The following GDPD4 variants were observed in gnomAD, a reference collection of about 807,000 sequenced individuals.
GDPD4 encodes glycerophosphodiester phosphodiesterase domain containing 4.
In GDPD4, 60 loss-of-function variants were observed where a neutral mutation model predicts 67.8. That is an observed-to-expected ratio of 0.88 (90% CI 0.72 to 1.10). GDPD4 has a LOEUF of 1.10. Among genes scored for constraint, GDPD4 ranks in the 50% least tolerant of loss-of-function variants. The probability of loss-of-function intolerance (pLI) is 0.00; values close to 1 mark genes in which losing one functional copy is unlikely to be tolerated. For missense variants in GDPD4, 623 were observed against 613.9 expected, an observed-to-expected ratio of 1.01 and a Z score of -0.16; for synonymous variants, 212 against 210.9, an observed-to-expected ratio of 1.00 and a Z score of -0.04.
At chr11:77,267,364 T>C (rs1388779400) in intron 10 of GDPD4, among the ~76,000 whole-genome samples, 1 of 152,206 alleles carries the variant, frequency 6.6e-6, no homozygotes, top group Non-Finnish European at 1.5e-5. Context: ...GAGATATGAC[T>C]GTATTTAGTT....
At chr11:77,247,790 G>A (rs958583823) in intron 11 of GDPD4, among the ~76,000 whole-genome samples, 3 of 152,098 alleles carry the variant, frequency 2.0e-5, no homozygotes, top group Admixed American at 1.3e-4. Context: ...GGTGGCTCAC[G>A]CCTGTAATCC....
intron 16 of GDPD4, among the ~76,000 whole-genome samples, chr11:77,219,821 C>T (rs1958193324): frequency 6.6e-6 from 1 of 152,194 alleles, no homozygotes; most frequent in African/African-American, 2.4e-5. Context: ...TTGATGCCTC[C>T]AGCTTTGTTC....
chr11:77,240,633 G>A (rs1049303224), intron 13 of GDPD4, among the ~76,000 whole-genome samples: 6 of 152,064 alleles, frequency 3.9e-5, no homozygotes, highest in African/African-American at 7.2e-5. Flanking sequence ...ATAGACCAAC[G>A]GAACTACATC....
chr11:77,259,203 C>T (rs930414095), intron 10 of GDPD4, among the ~76,000 whole-genome samples: 1 of 152,096 alleles, frequency 6.6e-6, no homozygotes, highest in Non-Finnish European at 1.5e-5. Flanking sequence ...TGGTCTCGAA[C>T]TCCTGGCCTC....
intron 14 of GDPD4, 120 bp downstream of exon 14, chr11:77,232,905 C>G: frequency 1.3e-6 from 1 of 788,094 alleles, no homozygotes; most frequent in East Asian, 2.6e-5. Flanking sequence ...CTCCAATATT[C>G]ATAGAAGTCT....
intron 4 of GDPD4, among the ~76,000 whole-genome samples, chr11:77,277,391 CT>C (rs71043564): frequency 0.01 from 601 of 58,244 alleles, no homozygotes; most frequent in African/African-American, 0.018. Context: ...GCCATGTTTC[CT>C]TTTTTTTTTT....
chr11:77,300,353 C>T (rs1938118715), intron 1 of GDPD4, among the ~76,000 whole-genome samples: 1 of 152,108 alleles, frequency 6.6e-6, no homozygotes, highest in African/African-American at 2.4e-5. Flanking sequence ...ACCATTGCTC[C>T]ATATGTAAGG....
At chr11:77,289,694 G>A (rs890897857) in intron 1 of GDPD4, among the ~76,000 whole-genome samples, 1 of 151,326 alleles carries the variant, frequency 6.6e-6, no homozygotes, top group Non-Finnish European at 1.5e-5. Context: ...TTGCACCACT[G>A]CACTCCAGCC....
At chr11:77,240,172 T>TA (rs1293410741) in intron 13 of GDPD4, among the ~76,000 whole-genome samples, 1 of 152,030 alleles carries the variant, frequency 6.6e-6, no homozygotes, top group Non-Finnish European at 1.5e-5. Flanking sequence ...TAATGATTTC[T>TA]AAAAGCCAAG....
In GDPD4 at chr11:77,279,412, G is replaced by A. The variant is rs1343590970; in HGVS notation, c.54-13C>T. The A allele has an allele frequency of 9.2e-6, 14 of 1,518,098 alleles. No homozygotes were observed. The East Asian group carries it at 3.2e-4, about 34-fold the overall frequency. The allele number at this position is 1,518,098 out of a possible 1,614,324, so 94.0% of individuals were successfully genotyped here. A position where few individuals can be genotyped will look rare whatever the true frequency, so the allele number is the denominator to read the frequency against. On this transcript the variant is annotated splice_polypyrimidine_tract_variant and intron_variant, in intron 3 of 16. Coordinates refer to ENST00000315938, the MANE Select transcript of GDPD4 (RefSeq NM_182833.3). The stretch of plus-strand genomic sequence containing the variant: ...TAGAAAAGTGACCCTGAAAAAAAAT[G>A]TGTTTCAGTTCTTAAAATAATGCAG...
At chr11:77,252,927 C>T (rs549530393) in intron 11 of GDPD4, among the ~76,000 whole-genome samples, 5 of 152,312 alleles carry the variant, frequency 3.3e-5, no homozygotes, top group African/African-American at 1.2e-4. Flanking sequence ...AATGAGGAGA[C>T]TTCACTGAGG....
At chr11:77,270,736 A>C (rs983839015) in intron 7 of GDPD4, among the ~76,000 whole-genome samples, 24 of 152,102 alleles carry the variant, frequency 1.6e-4, no homozygotes, top group Admixed American at 3.3e-4. Context: ...AACAAACAAA[A>C]AAAGAAACTA....
intron 5 of GDPD4, among the ~76,000 whole-genome samples, chr11:77,275,616 G>A (rs1343992173): frequency 6.6e-6 from 1 of 152,110 alleles, no homozygotes; most frequent in Non-Finnish European, 1.5e-5. Context: ...CTCTCCTTGT[G>A]AGACTGTGCT....
intron 16 of GDPD4, among the ~76,000 whole-genome samples, chr11:77,219,121 T>G (rs1958180264): frequency 6.6e-6 from 1 of 152,234 alleles, no homozygotes; most frequent in Non-Finnish European, 1.5e-5. Flanking sequence ...TGGTTTTGTT[T>G]TGCATTTCTC....
chr11:77,261,224 T>C (rs975312734), intron 10 of GDPD4, among the ~76,000 whole-genome samples: 1 of 152,044 alleles, frequency 6.6e-6, no homozygotes, highest in African/African-American at 2.4e-5. Flanking sequence ...TAACTGAAGA[T>C]GCTTTGGGCC....
At chr11:77,276,651 C>G (rs1358892052) in intron 4 of GDPD4, among the ~76,000 whole-genome samples, 1 of 152,100 alleles carries the variant, frequency 6.6e-6, no homozygotes, top group Non-Finnish European at 1.5e-5. Context: ...TTTGGGGAAC[C>G]AGGGCTGTTG....
At chr11:77,268,418 A>C (rs1240455270) in intron 10 of GDPD4, 39 bp downstream of exon 10, 21 of 1,379,356 alleles carry the variant, frequency 1.5e-5, no homozygotes, top group Non-Finnish European at 1.8e-5. Flanking sequence ...CATTGAACTT[A>C]TACCCTCCTC....
chr11:77,275,222 C>T (rs1475222831), intron 5 of GDPD4, among the ~76,000 whole-genome samples: 1 of 152,002 alleles, frequency 6.6e-6, no homozygotes. Context: ...AAAAACCATG[C>T]CCAAAAAAGT....
intron 14 of GDPD4, among the ~76,000 whole-genome samples, chr11:77,230,894 T>G (rs1361849157): frequency 6.6e-6 from 1 of 152,174 alleles, no homozygotes; most frequent in Non-Finnish European, 1.5e-5. Flanking sequence ...TGTGAGAACT[T>G]TGAAAAGTCC....
Sources: allele counts gnomAD v4.1 joint callset (sites outside exome capture counted in the v4.1 genomes callset), GRCh38; gene constraint gnomAD v4.1.1; transcripts MANE v1.5; gene names NCBI Gene and HGNC (gene_info 2026-07-23, HGNC 2026-07-21).